ERGIC1: variants seen among roughly 807,000 people sequenced by gnomAD.
ERGIC1 encodes endoplasmic reticulum-Golgi intermediate compartment protein 1.
Under a neutral mutation model 38.3 loss-of-function variants are expected in ERGIC1, and 19 were observed. That is an observed-to-expected ratio of 0.50 (90% confidence interval 0.35 to 0.73). ERGIC1 has a LOEUF of 0.73. Ranked by LOEUF, ERGIC1 falls within the 30% of genes least tolerant of loss-of-function variation. The probability of loss-of-function intolerance (pLI) is 0.01; values close to 1 mark genes in which losing one functional copy is unlikely to be tolerated. For synonymous variants in ERGIC1, 124 were observed against 157.6 expected, an observed-to-expected ratio of 0.79 and a Z score of 1.60; for missense variants, 294 against 389.2, an observed-to-expected ratio of 0.76 and a Z score of 2.06.
chr5:172,932,648 G>A (rs968541317), intron 8 of ERGIC1, 112 bp downstream of exon 8: 19 of 1,104,198 alleles, frequency 1.7e-5, no homozygotes, highest in Non-Finnish European at 2.5e-5. Flanking sequence ...CTTTCTGGAG[G>A]CCTTTCCTGG....
chr5:172,850,585 G>T (rs1302738726), intron 1 of ERGIC1, among the ~76,000 whole-genome samples: 1 of 152,076 alleles, frequency 6.6e-6, no homozygotes, highest in Non-Finnish European at 1.5e-5. Context: ...CCACCCACTC[G>T]CTGTGTGTCC....
intron 5 of ERGIC1, chr5:172,915,239 G>A (rs1561733960): frequency 8.4e-6 from 5 of 597,766 alleles, no homozygotes; most frequent in Non-Finnish European, 1.2e-5. Flanking sequence ...CACAAAGTTT[G>A]TGTGGGGATT....
intron 1 of ERGIC1, among the ~76,000 whole-genome samples, chr5:172,872,208 C>G (rs1008095518): frequency 2.0e-5 from 3 of 152,162 alleles, no homozygotes; most frequent in Non-Finnish European, 2.9e-5. Flanking sequence ...CCTCCAGCCT[C>G]GTCCCCATGT....
rs576454316 is a variant in ERGIC1 at position 172,834,625 on chromosome 5, C to G, written c.20+192C>G. Among the ~76,000 whole-genome samples, 1 of 150,634 alleles carries G rather than the reference C, an allele frequency of 6.6e-6. No homozygotes were observed. The highest frequency in any genetic ancestry group is 2.1e-4 in the South Asian group (1 of 4,742). The stretch of plus-strand genomic sequence containing the variant: ...GAAGCCAGCCAGAGCCGCGGAGGCC[C>G]CCTCGTGCAGCGGGAGACAAATCCA... On this transcript the variant is annotated intron_variant, in intron 1 of 9. Coordinates refer to ENST00000393784, the MANE Select transcript of ERGIC1 (RefSeq NM_001031711.3). This position sits in a 1 kb window ranked among gnomAD's most constrained non-coding sequence, Gnocchi z 4.1.
intron 2 of ERGIC1, among the ~76,000 whole-genome samples, chr5:172,889,348 T>C (rs1481654378): frequency 6.6e-6 from 1 of 152,158 alleles, no homozygotes; most frequent in Non-Finnish European, 1.5e-5. Context: ...AGATTTACTT[T>C]TCTCTTTATA....
At chr5:172,925,326 CCTT>C (rs1763625929) in intron 6 of ERGIC1, among the ~76,000 whole-genome samples, 1 of 152,118 alleles carries the variant, frequency 6.6e-6, no homozygotes, top group South Asian at 2.1e-4. Flanking sequence ...AACATTCTAG[CCTT>C]CTTGTCTCTG....
At chr5:172,900,773 G>T (rs1007327505) in intron 3 of ERGIC1, among the ~76,000 whole-genome samples, 36 of 152,022 alleles carry the variant, frequency 2.4e-4, no homozygotes, top group Admixed American at 5.9e-4. Flanking sequence ...GTCCAACCCT[G>T]TGCTAAGTCA....
At chr5:172,900,972 A>C (rs1473339468) in intron 3 of ERGIC1, among the ~76,000 whole-genome samples, 1 of 152,212 alleles carries the variant, frequency 6.6e-6, no homozygotes, top group African/African-American at 2.4e-5. Context: ...AGGAGAAAGC[A>C]TCACATCTTT....
In ERGIC1 at chr5:172,877,271, T is replaced by C. The variant is rs946490653; in HGVS notation, c.21-11428T>C. Among the ~76,000 whole-genome samples, 4 of 152,206 alleles carry C rather than the reference T, an allele frequency of 2.6e-5. No homozygotes were observed. In the South Asian group the frequency reaches 6.2e-4, roughly 24 times the overall value. ...GGGAAGAAATGCCATCCTTACAATG[T>C]TGAATCTTCTGACCCACTAACATGT... On this transcript the variant is annotated intron_variant, in intron 1 of 9. Transcript: ENST00000393784.
At chr5:172,890,252 T>C (rs1762525223) in intron 2 of ERGIC1, among the ~76,000 whole-genome samples, 1 of 152,122 alleles carries the variant, frequency 6.6e-6, no homozygotes, top group African/African-American at 2.4e-5. Context: ...CAGGGGACAT[T>C]CTATAGGATA....
At chr5:172,909,391 C>G (rs1011721876) in intron 3 of ERGIC1, among the ~76,000 whole-genome samples, 1 of 152,020 alleles carries the variant, frequency 6.6e-6, no homozygotes, top group African/African-American at 2.4e-5. Context: ...AACTCCTGAC[C>G]TCAGGTGACC....
At chr5:172,851,261 C>T (rs1403869638) in intron 1 of ERGIC1, among the ~76,000 whole-genome samples, 1 of 149,326 alleles carries the variant, frequency 6.7e-6, no homozygotes, top group African/African-American at 2.5e-5. Context: ...GTAAAGCCAG[C>T]ACTTTGGGAG....
chr5:172,909,166 C>CCCCCTTTTTTTTT, intron 3 of ERGIC1, among the ~76,000 whole-genome samples: 1 of 52,162 alleles, frequency 1.9e-5, no homozygotes, highest in African/African-American at 6.2e-5. Flanking sequence ...CAGCCCTCCC[C>CCCCCTTTTTTTTT]TCTTTTTTTT....
chr5:172,898,394 A>G (rs57190162), intron 3 of ERGIC1: 37,489 of 152,214 alleles, frequency 0.25, 4,939 homozygotes, highest in African/African-American at 0.33. Context: ...AGCCCTGCCT[A>G]TCTCCCTAGC....
chr5:172,924,323 C>T (rs573894705), intron 6 of ERGIC1, among the ~76,000 whole-genome samples: 5 of 152,338 alleles, frequency 3.3e-5, no homozygotes, highest in Non-Finnish European at 7.3e-5. Flanking sequence ...TCTCCTAGAG[C>T]GCCCAGCTGG....
intron 1 of ERGIC1, among the ~76,000 whole-genome samples, chr5:172,887,654 A>G (rs1367439142): frequency 1.3e-5 from 2 of 152,158 alleles, no homozygotes; most frequent in East Asian, 1.9e-4. Context: ...CTGATTTCCA[A>G]AACCCTGAAT....
chr5:172,892,918 G>T (rs1279072882), intron 2 of ERGIC1, among the ~76,000 whole-genome samples: 1 of 152,156 alleles, frequency 6.6e-6, no homozygotes, highest in African/African-American at 2.4e-5. Flanking sequence ...TCTCTGCCGA[G>T]TAGACTTGGC....
At chr5:172,856,623 C>T (rs1328662203) in intron 1 of ERGIC1, among the ~76,000 whole-genome samples, 1 of 152,108 alleles carries the variant, frequency 6.6e-6, no homozygotes, top group East Asian at 1.9e-4. Context: ...ATGCGTGTTG[C>T]TCAGGAAGAA....
At chr5:172,885,592 C>T (rs1298076597) in intron 1 of ERGIC1, among the ~76,000 whole-genome samples, 2 of 152,140 alleles carry the variant, frequency 1.3e-5, no homozygotes, top group East Asian at 3.8e-4. Flanking sequence ...CCCCTGTGCA[C>T]CCCCTCATTT....
Sources: allele counts gnomAD v4.1 joint callset (sites outside exome capture counted in the v4.1 genomes callset), GRCh38; gene constraint gnomAD v4.1.1; non-coding constraint Gnocchi (gnomAD v3.1); transcripts MANE v1.5; gene names NCBI Gene and HGNC (gene_info 2026-07-23, HGNC 2026-07-21).